ZFYVE26: variants seen among roughly 807,000 people sequenced by gnomAD.
The protein encoded by ZFYVE26 is zinc finger FYVE domain-containing protein 26.
ZFYVE26 carries 181 observed loss-of-function variants against 276.5 expected under a neutral mutation model. The ratio of observed to expected loss-of-function variants is 0.65; its 90% CI spans 0.58 to 0.74. ZFYVE26 has a LOEUF of 0.74. ZFYVE26 is among the 30% of genes least tolerant of loss of function. The probability of loss-of-function intolerance (pLI) is 0.00; values close to 1 mark genes in which losing one functional copy is unlikely to be tolerated. For synonymous variants in ZFYVE26, 1,129 were observed against 1,203.1 expected, an observed-to-expected ratio of 0.94 and a Z score of 1.27; for missense variants, 2,821 against 3,097.9, an observed-to-expected ratio of 0.91 and a Z score of 2.12.
At position 67,793,679 on chromosome 14, in the gene ZFYVE26, T is replaced by C. The variant is rs747134529; in HGVS notation, c.2482A>G (p.Met828Val). The stretch of plus-strand genomic sequence containing the variant: ...AGTGACTCAGGTGGGGAGAACATCA[T>C]GGGGATGAGTGAACTTTGAGGATGG... ...HPHPQSSLIPMMFSPPESLLA... is the reference protein window; with the variant it reads ...HPHPQSSLIPVMFSPPESLLA... Residue 828 changes from methionine (M) to valine (V), a missense_variant, in exon 14 of 42, where the codon ATG becomes GTG. Transcript: ENST00000347230. The C allele has an allele frequency of 6.2e-7, 1 of 1,613,834 alleles. No homozygotes were observed. Among genetic ancestry groups the C allele is most frequent in the Non-Finnish European group, 8.5e-7 (1 of 1,179,866 alleles).
chr14:67,772,322 T>C, intron 27 of ZFYVE26, 112 bp from the exon 28 acceptor site: 3 of 1,235,220 alleles, frequency 2.4e-6, no homozygotes, highest in Non-Finnish European at 3.5e-6. Context: ...AAAGAATAGA[T>C]CCAGTTAATG....
At chr14:67,795,708 T>G (rs1490362982) in intron 12 of ZFYVE26, among the ~76,000 whole-genome samples, 1 of 152,196 alleles carries the variant, frequency 6.6e-6, no homozygotes, top group African/African-American at 2.4e-5. Flanking sequence ...TCCTGCATAA[T>G]GCGCCTATAT....
At chr14:67,775,271 T>C (rs867498386) in intron 26 of ZFYVE26, among the ~76,000 whole-genome samples, 157 bp from the exon 27 acceptor site, 1 of 152,172 alleles carries the variant, frequency 6.6e-6, no homozygotes, top group African/African-American at 2.4e-5. Context: ...TCTAAGCCCA[T>C]AGCACGCATG....
intron 8 of ZFYVE26, 107 bp from the exon 9 acceptor site, chr14:67,804,371 C>T: frequency 7.4e-7 from 1 of 1,355,722 alleles, no homozygotes; most frequent in South Asian, 1.2e-5. Context: ...CATAATGCCA[C>T]AGGCTTCCCT....
In ZFYVE26 at chr14:67,752,617, T is replaced by C. The variant is rs577871607; in HGVS notation, c.7189-91A>G. On this transcript the variant is annotated intron_variant, in intron 39 of 41. Transcript: ENST00000347230. Reference sequence around the variant, plus strand: ...ATTTAAAAGCTCTCACTATGCTTGGTGTAGATAAGCCATATTGATTGTGGT... The same window carrying C: ...ATTTAAAAGCTCTCACTATGCTTGGCGTAGATAAGCCATATTGATTGTGGT... 2.5e-4 allele frequency: 337 copies of C among 1,349,700 alleles called. 5 individuals are homozygous for C. The South Asian group carries it at 3.6e-3, about 14-fold the overall frequency. The allele number at this position is 1,349,700 out of a possible 1,614,324, so 83.6% of individuals were successfully genotyped here. A position where few individuals can be genotyped will look rare whatever the true frequency, so the allele number is the denominator to read the frequency against.
intron 38 of ZFYVE26, 108 bp from the exon 39 acceptor site, chr14:67,753,874 A>C: frequency 6.6e-7 from 1 of 1,505,902 alleles, no homozygotes; most frequent in Non-Finnish European, 9.2e-7. Context: ...ATATTTGTTG[A>C]GACCCTGCTA....
intron 10 of ZFYVE26, among the ~76,000 whole-genome samples, chr14:67,799,849 C>T (rs1468375772): frequency 6.6e-6 from 1 of 151,976 alleles, no homozygotes; most frequent in African/African-American, 2.4e-5. Flanking sequence ...ATTGGGAGGG[C>T]GGAGGGAGGC....
At chr14:67,789,635 A>G (rs2039760072) in intron 15 of ZFYVE26, 37 bp from the exon 16 acceptor site, 1 of 1,613,464 alleles carries the variant, frequency 6.2e-7, no homozygotes. Context: ...GCAAAGGGTT[A>G]AAAGGATTCT....
chr14:67,750,869 C>T, intron 41 of ZFYVE26, 183 bp downstream of exon 41: 2 of 743,890 alleles, frequency 2.7e-6, no homozygotes, highest in South Asian at 3.1e-5. Context: ...CCATGTTCAC[C>T]TGCTCCTCAT....
At chr14:67,807,313 C>T (rs369310899) in intron 5 of ZFYVE26, 85 bp downstream of exon 5, 112 of 1,581,218 alleles carry the variant, frequency 7.1e-5, no homozygotes, top group Middle Eastern at 3.9e-4. Context: ...CTGAGCCACA[C>T]GGAAGGCAGC....
chr14:67,809,024 A>T (rs1371102843), intron 4 of ZFYVE26, among the ~76,000 whole-genome samples, 176 bp downstream of exon 4: 7 of 152,190 alleles, frequency 4.6e-5, no homozygotes, highest in African/African-American at 1.7e-4. Flanking sequence ...CAAAAATTCT[A>T]AAATCATATA....
At chr14:67,780,020 C>T (rs1307331074) in intron 23 of ZFYVE26, among the ~76,000 whole-genome samples, 3 of 152,116 alleles carry the variant, frequency 2.0e-5, no homozygotes, top group Non-Finnish European at 2.9e-5. Flanking sequence ...TACAGGTACC[C>T]GCCACCACGC....
chr14:67,810,009 C>G (rs1183063591), intron 3 of ZFYVE26, among the ~76,000 whole-genome samples: 1 of 152,024 alleles, frequency 6.6e-6, no homozygotes, highest in Non-Finnish European at 1.5e-5. Flanking sequence ...TGGTCTTGAT[C>G]TCCTGACCTC....
chr14:67,790,604 G>A lies in ZFYVE26; in HGVS notation c.2723C>T (p.Thr908Ile), dbSNP rs1348849876. The A allele has an allele frequency of 6.2e-7, 1 of 1,614,036 alleles. No individual in the cohort carries two copies. The highest frequency in any genetic ancestry group is 1.7e-5 in the Admixed American group (1 of 60,026). ...TGCAGCGCTGCCAATGGCCTGTAGA[G>A]TTGAGCGGCCACTGCCAGTTCTCCG... The part of the protein sequence containing the change: ...TIRRTGSGRS[T>I]LQAIGSAAAA... The change falls in exon 15 of 42, where the codon ACT (threonine) becomes ATT (isoleucine). Residue 908 changes from threonine (T) to isoleucine (I), a missense_variant. Transcript: ENST00000347230.
At chr14:67,798,653 G>A (rs374941719) in intron 10 of ZFYVE26, 31 bp from the exon 11 acceptor site, 8 of 1,613,058 alleles carry the variant, frequency 5.0e-6, no homozygotes, top group Middle Eastern at 1.6e-4. Flanking sequence ...GAAGAGGCCA[G>A]AGAAAGAGAA....
At position 67,790,839 on chromosome 14, in the gene ZFYVE26, G is replaced by A. The variant is rs919915662; in HGVS notation, c.2554-66C>T. On this transcript the variant is annotated intron_variant, in intron 14 of 41. Transcript: ENST00000347230. ...CTGATTTAGGGAATGTCCATGGATA[G>A]GAGATCTTGCCAACCATTAGACTGT... 3 of 1,473,280 alleles carry A rather than the reference G, an allele frequency of 2.0e-6. No homozygotes were observed. In the African/African-American group the frequency reaches 4.1e-5, roughly 20 times the overall value. 91.3% of individuals were successfully genotyped at this position (1,473,280 alleles called of 1,614,324 possible).
intron 28 of ZFYVE26, chr14:67,770,454 ACT>A (rs1284154539): frequency 9.7e-6 from 1 of 102,748 alleles, no homozygotes; most frequent in African/African-American, 3.8e-5. Context: ...ACAGAGCTAG[ACT>A]CTGTCTCAAA....
chr14:67,815,409 C>T (rs115647187), intron 2 of ZFYVE26: 1 of 288,314 alleles, frequency 3.5e-6, no homozygotes, highest in Non-Finnish European at 6.8e-6. Flanking sequence ...TTAAGTAAAG[C>T]GACAACAATA....
rs1594930461 is a variant in ZFYVE26, at chr14:67,798,349, G to C, written c.1913C>G (p.Pro638Arg). ...TGGCATTGTATAAGCAAGGGTCTTT[G>C]GGACTCCCAGGGAACCCCGTTCTGA... ...RKSERGSLGV[P>R]KTLAYTMPSH... The change falls in exon 11 of 42, where the codon CCA becomes CGA. Residue 638 changes from proline (P) to arginine (R), a missense_variant. Physicochemically the swap from Pro to Arg is moderately radical, Grantham distance 103. Transcript: ENST00000347230. 6.2e-7 allele frequency: 1 copy of C among 1,610,526 alleles called. No homozygotes were observed. The highest frequency in any genetic ancestry group is 8.5e-7 in the Non-Finnish European group (1 of 1,177,950).
Sources: gnomAD v4.1 joint callset for allele counts (sites outside exome capture counted in the v4.1 genomes callset) on GRCh38, gnomAD v4.1.1 for gene constraint, MANE v1.5 for transcripts, NCBI Gene and HGNC (gene_info 2026-07-23, HGNC 2026-07-21) for gene names.